The following HMCN1 variants were observed in gnomAD, a reference collection of about 807,000 sequenced individuals.
The protein encoded by HMCN1 is hemicentin 1.
HMCN1 carries 321 observed loss-of-function variants against 625.9 expected under a neutral mutation model. The observed-to-expected ratio is 0.51, with a 90% CI of 0.47 to 0.56. The LOEUF is 0.56. Ranked by LOEUF, HMCN1 falls within the 20% of genes least tolerant of loss-of-function variation. The pLI, the probability that HMCN1 is intolerant of heterozygous loss-of-function variation, is 0.00. For synonymous variants in HMCN1, 2,425 were observed against 2,417.6 expected (o/e 1.00, Z -0.09); for missense variants, 6,588 against 6,887.3 (o/e 0.96, Z 1.54).
chr1:185,930,207 T>C (rs570076288), intron 10 of HMCN1, among the ~76,000 whole-genome samples: 2 of 152,312 alleles, frequency 1.3e-5, no homozygotes, highest in Non-Finnish European at 2.9e-5. Context: ...TTTTCAGGAA[T>C]TGTTTTCCAC....
chr1:185,832,570 T>C (rs1660932369), intron 1 of HMCN1, among the ~76,000 whole-genome samples: 1 of 152,092 alleles, frequency 6.6e-6, no homozygotes, highest in African/African-American at 2.4e-5. Context: ...TAGGTAGCCA[T>C]CTGGAAAAAA....
chr1:186,014,295 T>C (rs1654206969), intron 30 of HMCN1, among the ~76,000 whole-genome samples: 1 of 151,328 alleles, frequency 6.6e-6, no homozygotes, highest in African/African-American at 2.4e-5. Context: ...ATAGATTATA[T>C]TGATACTTAA....
At chr1:185,786,727 T>C (rs976160763) in intron 1 of HMCN1, among the ~76,000 whole-genome samples, 13 of 152,192 alleles carry the variant, frequency 8.5e-5, no homozygotes, top group Non-Finnish European at 1.9e-4. Context: ...ACACGAAACT[T>C]TTACATAAAT....
intron 11 of HMCN1, among the ~76,000 whole-genome samples, chr1:185,944,464 T>C (rs967552911): frequency 1.3e-5 from 2 of 152,016 alleles, no homozygotes; most frequent in Admixed American, 6.5e-5. Flanking sequence ...TTAAGAAAAA[T>C]AGAAAAGGTA....
chr1:185,842,861 A>T (rs1661570189), intron 1 of HMCN1, among the ~76,000 whole-genome samples: 1 of 152,194 alleles, frequency 6.6e-6, no homozygotes, highest in Admixed American at 6.5e-5. Flanking sequence ...AAGGAGAAGG[A>T]TGTTAGTCTT....
At chr1:186,005,352 TTA>T (rs973376780) in intron 29 of HMCN1, among the ~76,000 whole-genome samples, 2 of 146,724 alleles carry the variant, frequency 1.4e-5, no homozygotes, top group African/African-American at 5.2e-5. Flanking sequence ...TTATAAATGT[TTA>T]TAAACAATTT....
intron 100 of HMCN1, among the ~76,000 whole-genome samples, chr1:186,169,477 G>A (rs1652086103): frequency 6.6e-6 from 1 of 152,122 alleles, no homozygotes; most frequent in South Asian, 2.1e-4. Context: ...GCATGGTACT[G>A]GTACCAGAAT....
chr1:185,986,806 A>G (rs967689798), intron 19 of HMCN1, among the ~76,000 whole-genome samples: 6 of 149,798 alleles, frequency 4.0e-5, no homozygotes, highest in African/African-American at 1.2e-4. Context: ...CAGCCTGGGT[A>G]ACACAGCAAG....
Position 186,001,613 on chromosome 1 carries a change from T to C in HMCN1, c.4220T>C (p.Ile1407Thr). 6.2e-7 allele frequency: 1 copy of C among 1,613,198 alleles called. No individual in the cohort carries two copies. Among genetic ancestry groups the C allele is most frequent in the Non-Finnish European group, 8.5e-7 (1 of 1,179,348 alleles). Reference sequence around the variant, plus strand: ...TTAAAGGTGACTGAAAGCAGCACTATTCAGACTGTGAACAATGGGAAGATA... The same window carrying C: ...TTAAAGGTGACTGAAAGCAGCACTACTCAGACTGTGAACAATGGGAAGATA... ...DNVQVTESSTIQTVNNGKILK... is the reference protein window; with the variant it reads ...DNVQVTESSTTQTVNNGKILK... The change falls in exon 28 of 107, where the codon ATT becomes ACT. Residue 1407 changes from isoleucine to threonine, a missense_variant. This residue lies in a region of HMCN1 where 4,628 missense variants were observed against 4,853.1 expected (regional missense o/e 0.95). Transcript: ENST00000271588.
chr1:185,973,262 CAAATT>C (rs1209985146), intron 15 of HMCN1, among the ~76,000 whole-genome samples: 1 of 152,122 alleles, frequency 6.6e-6, no homozygotes, highest in African/African-American at 2.4e-5. Context: ...ATTAACTTCA[CAAATT>C]AAGTGGTCAT....
intron 1 of HMCN1, among the ~76,000 whole-genome samples, chr1:185,790,491 T>C (rs1228078776): frequency 6.6e-6 from 1 of 152,226 alleles, no homozygotes; most frequent in African/African-American, 2.4e-5. Flanking sequence ...ACAGATGCAG[T>C]TGTGACTCTT....
Position 186,095,464 on chromosome 1 carries a change from T to C in HMCN1, c.10516T>C (p.Cys3506Arg). 1 of 1,613,702 alleles carries C rather than the reference T, an allele frequency of 6.2e-7. No individual in the cohort carries two copies. Among genetic ancestry groups the C allele is most frequent in the East Asian group, 2.2e-5 (1 of 44,866 alleles). The change falls in exon 68 of 107, where the codon TGC becomes CGC. Residue 3506 changes from cysteine (C) to arginine (R), a missense_variant. Cys to Arg is a radical substitution (Grantham distance 180). Transcript: ENST00000271588. ...GACTGAAGATTCGGGAAAGTACACC[T>C]GCATTGCCTCAAATGAAGCTGGAGA... ...AETEDSGKYT[C>R]IASNEAGEVS...
chr1:185,793,216 A>G lies in HMCN1; in HGVS notation c.269-52810A>G, dbSNP rs567544047. ...GCTTTAAACAATACTAACTTATTATATTACAGTTCTAAAGGACAGAGGGTC... is the reference window on the plus strand; with the variant it reads ...GCTTTAAACAATACTAACTTATTATGTTACAGTTCTAAAGGACAGAGGGTC... On this transcript the variant is annotated intron_variant, in intron 1 of 106. Transcript: ENST00000271588. 1.1e-4 allele frequency among the ~76,000 whole-genome samples: 17 copies of G among 152,318 alleles called. No individual in the cohort carries two copies. In the South Asian group the frequency reaches 3.5e-3, roughly 32 times the overall value.
At chr1:185,745,884 A>T (rs969849169) in intron 1 of HMCN1, among the ~76,000 whole-genome samples, 1 of 152,226 alleles carries the variant, frequency 6.6e-6, no homozygotes, top group East Asian at 1.9e-4. Context: ...GCAGACTGAG[A>T]AAAGGAAGGA....
intron 11 of HMCN1, among the ~76,000 whole-genome samples, chr1:185,961,308 A>G (rs1180799939): frequency 6.6e-6 from 1 of 152,212 alleles, no homozygotes; most frequent in Non-Finnish European, 1.5e-5. Flanking sequence ...GGAAAGATAT[A>G]TCATAAATAT....
intron 73 of HMCN1, among the ~76,000 whole-genome samples, chr1:186,114,460 G>C (rs971361822): frequency 2.6e-5 from 4 of 151,896 alleles, no homozygotes; most frequent in African/African-American, 4.8e-5. Context: ...GGTTTCACCA[G>C]GTTGGCCAGG....
chr1:185,928,770 AT>A, intron 10 of HMCN1, 103 bp downstream of exon 10: 1 of 1,253,050 alleles, frequency 8.0e-7, no homozygotes, highest in Non-Finnish European at 1.2e-6. Context: ...CTTTGCGATT[AT>A]TTTATTATTG....
intron 13 of HMCN1, among the ~76,000 whole-genome samples, chr1:185,964,887 T>A (rs1392859121): frequency 6.6e-6 from 1 of 151,996 alleles, no homozygotes; most frequent in Non-Finnish European, 1.5e-5. Context: ...CTGTTGTATT[T>A]TGGGCTATCA....
chr1:186,019,066 C>A (rs1010071496), intron 34 of HMCN1, among the ~76,000 whole-genome samples: 1 of 151,996 alleles, frequency 6.6e-6, no homozygotes, highest in Non-Finnish European at 1.5e-5. Flanking sequence ...ATATAGATAA[C>A]CCTGTTTTTC....
Sources: gnomAD v4.1 joint callset for allele counts (sites outside exome capture counted in the v4.1 genomes callset) on GRCh38, gnomAD v4.1.1 for gene constraint, gnomAD v4.1.1 regional missense constraint, MANE v1.5 for transcripts, NCBI Gene and HGNC (gene_info 2026-07-23, HGNC 2026-07-21) for gene names.